The following MARCHF11 variants were observed in gnomAD, a reference collection of about 807,000 sequenced individuals.
The protein encoded by MARCHF11 is membrane associated ring-CH-type finger 11, also known as E3 ubiquitin-protein ligase MARCHF11.
In MARCHF11, 29 loss-of-function variants were observed where a neutral mutation model predicts 37.3. The observed-to-expected ratio is 0.78, with a 90% CI of 0.58 to 1.06. The LOEUF is 1.06. Among genes scored for constraint, MARCHF11 ranks in the 50% least tolerant of loss-of-function variants. MARCHF11 has a pLI of 0.00. For missense variants in MARCHF11, 482 were observed against 533.4 expected (o/e 0.90, Z 0.95); for synonymous variants, 233 against 228.0 (o/e 1.02, Z -0.20).
At chr5:16,142,741 G>A (rs1052175143) in intron 2 of MARCHF11, among the ~76,000 whole-genome samples, 2 of 145,762 alleles carry the variant, frequency 1.4e-5, no homozygotes, top group African/African-American at 5.1e-5. Context: ...GCCTAGGCTG[G>A]AGTACAATGG....
At chr5:16,098,968 T>G (rs1474873980) in intron 2 of MARCHF11, among the ~76,000 whole-genome samples, 1 of 152,166 alleles carries the variant, frequency 6.6e-6, no homozygotes, top group Non-Finnish European at 1.5e-5. Context: ...TTAGATTTAT[T>G]TTTTTAAAAG....
At chr5:16,120,823 G>A (rs768636140) in intron 2 of MARCHF11, among the ~76,000 whole-genome samples, 6 of 152,098 alleles carry the variant, frequency 3.9e-5, no homozygotes, top group Admixed American at 2.0e-4. Flanking sequence ...GAGATAAGCC[G>A]CCCCACTTGA....
intron 2 of MARCHF11, among the ~76,000 whole-genome samples, chr5:16,150,031 C>T (rs1363955578): frequency 6.7e-6 from 1 of 149,050 alleles, no homozygotes; most frequent in Non-Finnish European, 1.5e-5. Context: ...GCTGTCTACT[C>T]GGAGGGAATA....
intron 2 of MARCHF11, among the ~76,000 whole-genome samples, chr5:16,099,506 C>T (rs1736922535): frequency 6.6e-6 from 1 of 151,820 alleles, no homozygotes; most frequent in Non-Finnish European, 1.5e-5. Flanking sequence ...GCTAAAAAGA[C>T]TCACCATTGT....
At chr5:16,177,407 T>C (rs1738380621) in intron 2 of MARCHF11, among the ~76,000 whole-genome samples, 1 of 152,230 alleles carries the variant, frequency 6.6e-6, no homozygotes, top group East Asian at 1.9e-4. Context: ...GTAACATTTC[T>C]AATGAATAAA....
At chr5:16,075,586 G>A (rs1403964201) in intron 3 of MARCHF11, among the ~76,000 whole-genome samples, 1 of 148,590 alleles carries the variant, frequency 6.7e-6, no homozygotes, top group Non-Finnish European at 1.5e-5. Flanking sequence ...TGAAAGAGAG[G>A]GAGAGAGAGA....
chr5:16,077,855 C>T (rs569867802), intron 3 of MARCHF11, among the ~76,000 whole-genome samples: 16 of 152,226 alleles, frequency 1.1e-4, no homozygotes, highest in Admixed American at 3.3e-4. Flanking sequence ...TTCCATTCCC[C>T]TTAATAATGT....
chr5:16,128,097 A>G (rs571324307), intron 2 of MARCHF11, among the ~76,000 whole-genome samples: 2 of 152,116 alleles, frequency 1.3e-5, no homozygotes, highest in African/African-American at 4.8e-5. Flanking sequence ...CCCTACTCAT[A>G]CCACCCACGA....
At chr5:16,120,290 A>G (rs1051315632) in intron 2 of MARCHF11, among the ~76,000 whole-genome samples, 1 of 152,198 alleles carries the variant, frequency 6.6e-6, no homozygotes, top group African/African-American at 2.4e-5. Flanking sequence ...GAGTGAATCA[A>G]CAGAAAAGGG....
intron 2 of MARCHF11, among the ~76,000 whole-genome samples, chr5:16,155,255 C>T (rs1737961226): frequency 6.6e-6 from 1 of 151,730 alleles, no homozygotes; most frequent in Admixed American, 6.6e-5. Context: ...AACACAGAAA[C>T]ATATGTATAT....
At chr5:16,098,804 A>T (rs1226004285) in intron 2 of MARCHF11, among the ~76,000 whole-genome samples, 1 of 148,690 alleles carries the variant, frequency 6.7e-6, no homozygotes, top group Non-Finnish European at 1.5e-5. Flanking sequence ...GATAACAATG[A>T]TCAATTATAT....
At position 16,157,511 on chromosome 5, in the gene MARCHF11, C is replaced by T. The variant is rs1737996696; in HGVS notation, c.693+20215G>A. Among the ~76,000 whole-genome samples the T allele has an allele frequency of 1.3e-5, 2 of 151,802 alleles. 1 individual carries two copies. The highest frequency in any genetic ancestry group is 4.2e-4 in the South Asian group (2 of 4,818). ...AAAACAGACATGTGGATGAATGGGA[C>T]ACAACAGAGAGCCCAGAAATGATAC... On this transcript the variant is annotated intron_variant, in intron 2 of 3. Transcript: ENST00000332432.
intron 2 of MARCHF11, among the ~76,000 whole-genome samples, chr5:16,138,085 G>T (rs1171372830): frequency 6.6e-6 from 1 of 152,188 alleles, no homozygotes; most frequent in African/African-American, 2.4e-5. Flanking sequence ...GCAGAAATTT[G>T]CATAAGTAAC....
intron 2 of MARCHF11, among the ~76,000 whole-genome samples, chr5:16,102,921 C>G (rs1355019290): frequency 6.6e-6 from 1 of 152,132 alleles, no homozygotes. Context: ...AGGGAGCCAC[C>G]CTTTCACAAG....
chr5:16,164,870 G>C (rs1738143814), intron 2 of MARCHF11, among the ~76,000 whole-genome samples: 1 of 151,930 alleles, frequency 6.6e-6, no homozygotes, highest in Admixed American at 6.6e-5. Flanking sequence ...CAGCATCCAT[G>C]CTTCTACCCC....
intron 2 of MARCHF11, among the ~76,000 whole-genome samples, chr5:16,137,431 T>C (rs1008793281): frequency 1.3e-5 from 2 of 152,246 alleles, no homozygotes; most frequent in African/African-American, 4.8e-5. Context: ...CCAATGATTA[T>C]GCAGCCTCCC....
At chr5:16,143,036 G>A (rs935298709) in intron 2 of MARCHF11, among the ~76,000 whole-genome samples, 3 of 151,786 alleles carry the variant, frequency 2.0e-5, no homozygotes, top group East Asian at 1.9e-4. Context: ...CACCATTCCC[G>A]GCCATATTTT....
chr5:16,150,384 T>C (rs1444212765), intron 2 of MARCHF11, among the ~76,000 whole-genome samples: 2 of 148,966 alleles, frequency 1.3e-5, no homozygotes, highest in East Asian at 3.9e-4. Flanking sequence ...CCTACCTAAA[T>C]CCAAAAATCA....
At chr5:16,101,644 A>AG (rs1736959928) in intron 2 of MARCHF11, among the ~76,000 whole-genome samples, 1 of 152,224 alleles carries the variant, frequency 6.6e-6, no homozygotes. Flanking sequence ...CAGACTCCCC[A>AG]GGGGAGCCCT....
Sources: gnomAD v4.1 joint callset for allele counts (sites outside exome capture counted in the v4.1 genomes callset) on GRCh38, gnomAD v4.1.1 for gene constraint, MANE v1.5 for transcripts, NCBI Gene and HGNC (gene_info 2026-07-23, HGNC 2026-07-21) for gene names.